The following SYNDIG1 variants were observed in gnomAD, a reference collection of about 807,000 sequenced individuals.
SYNDIG1 encodes synapse differentiation-inducing gene protein 1.
Under a neutral mutation model 19.4 loss-of-function variants are expected in SYNDIG1, and 9 were observed. The ratio of observed to expected loss-of-function variants is 0.46; its 90% confidence interval spans 0.28 to 0.81. The LOEUF is 0.81. Among genes scored for constraint, SYNDIG1 ranks in the 30% least tolerant of loss-of-function variants. SYNDIG1 has a pLI of 0.12. For missense variants in SYNDIG1, 311 were observed against 343.3 expected (o/e 0.91, Z 0.74); for synonymous variants, 141 against 145.9 (o/e 0.97, Z 0.24).
At chr20:24,491,264 A>G (rs1254036370) in intron 1 of SYNDIG1, among the ~76,000 whole-genome samples, 3 of 152,198 alleles carry the variant, frequency 2.0e-5, no homozygotes, top group Non-Finnish European at 4.4e-5. Context: ...AATACTTAAT[A>G]AAACAAAGTA....
rs139532021 is a variant in SYNDIG1 at position 24,663,248 on chromosome 20, C to T, written c.619-2098C>T. ...TTTGCTGTTTCTGACATATCTCCAG[C>T]GATCAGGCCCCTAACACACCACATT... On this transcript the variant is annotated intron_variant, in intron 3 of 3. Coordinates refer to ENST00000376862, the MANE Select transcript of SYNDIG1 (RefSeq NM_024893.3). Among the ~76,000 whole-genome samples the T allele has an allele frequency of 4.3e-3, 660 of 152,316 alleles. 4 individuals carry two copies. The highest frequency in any genetic ancestry group is 0.013 in the South Asian group (61 of 4,826).
chr20:24,566,727 C>T (rs531983515), intron 2 of SYNDIG1, among the ~76,000 whole-genome samples: 12 of 152,246 alleles, frequency 7.9e-5, no homozygotes, highest in African/African-American at 2.6e-4. Context: ...AAGGAGCCAC[C>T]CTGAGTGATG....
chr20:24,503,603 C>T (rs944894970), intron 1 of SYNDIG1, among the ~76,000 whole-genome samples: 1 of 151,920 alleles, frequency 6.6e-6, no homozygotes, highest in Admixed American at 6.6e-5. Context: ...CCCCAGCCCC[C>T]CAGCGCTCCA....
chr20:24,475,831 G>C (rs1205101534), intron 1 of SYNDIG1, among the ~76,000 whole-genome samples: 1 of 152,010 alleles, frequency 6.6e-6, no homozygotes, highest in Non-Finnish European at 1.5e-5. Flanking sequence ...CTCCACAACA[G>C]AGAACTGTGA....
intron 1 of SYNDIG1, among the ~76,000 whole-genome samples, chr20:24,517,592 C>T (rs1452170078): frequency 1.4e-5 from 2 of 142,974 alleles, no homozygotes; most frequent in Non-Finnish European, 3.0e-5. Context: ...GCACTCCAGC[C>T]TGGGTGACAG....
chr20:24,627,150 GGAGAGCGAGAGCGAGAGC>G (rs59038259), intron 3 of SYNDIG1, among the ~76,000 whole-genome samples: 10 of 136,506 alleles, frequency 7.3e-5, no homozygotes, highest in Non-Finnish European at 6.3e-5. Context: ...AGAGGGAGAG[GGAGAGCGAGAGCGAGAGC>G]GAGAGCGAGA....
chr20:24,638,241 C>G (rs2059335677), intron 3 of SYNDIG1, among the ~76,000 whole-genome samples: 1 of 152,220 alleles, frequency 6.6e-6, no homozygotes, highest in South Asian at 2.1e-4. Context: ...AAGATGGATG[C>G]TGCAGGTGCA....
chr20:24,604,310 T>A (rs1428891547), intron 3 of SYNDIG1, among the ~76,000 whole-genome samples: 2 of 152,118 alleles, frequency 1.3e-5, no homozygotes, highest in African/African-American at 4.8e-5. Flanking sequence ...TGGGCTGCAT[T>A]CCCAGGTTAG....
intron 3 of SYNDIG1, 109 bp from the exon 4 acceptor site, chr20:24,665,237 C>G: frequency 3.0e-6 from 4 of 1,351,746 alleles, no homozygotes; most frequent in Non-Finnish European, 4.0e-6. Flanking sequence ...TCAGCCTTCT[C>G]TGCATCAACA....
intron 3 of SYNDIG1, among the ~76,000 whole-genome samples, chr20:24,620,936 T>C (rs1005268504): frequency 6.6e-6 from 1 of 152,202 alleles, no homozygotes; most frequent in Non-Finnish European, 1.5e-5. Context: ...TAAAAGGCAA[T>C]TTGACTGAGA....
At chr20:24,527,840 T>C (rs2057160284) in intron 1 of SYNDIG1, among the ~76,000 whole-genome samples, 4 of 152,182 alleles carry the variant, frequency 2.6e-5, no homozygotes, top group Admixed American at 6.5e-5. Context: ...AGTAAGGAAC[T>C]CTGTAGCCTG....
chr20:24,497,666 C>T (rs968163671), intron 1 of SYNDIG1, among the ~76,000 whole-genome samples: 19 of 152,280 alleles, frequency 1.2e-4, no homozygotes, highest in Admixed American at 5.2e-4. Flanking sequence ...CATTTCTTCA[C>T]GAACCTGGGG....
At chr20:24,526,568 T>G (rs146793448) in intron 1 of SYNDIG1, among the ~76,000 whole-genome samples, 1,683 of 152,130 alleles carry the variant, frequency 0.011, 16 homozygotes, top group East Asian at 0.028. Flanking sequence ...TTTATATATA[T>G]AGAGAGAGAG....
At chr20:24,525,640 GGA>G (rs958349367) in intron 1 of SYNDIG1, among the ~76,000 whole-genome samples, 111 of 152,156 alleles carry the variant, frequency 7.3e-4, no homozygotes, top group African/African-American at 2.6e-3. Flanking sequence ...AGAGAAGAAT[GGA>G]GAGAGAGTGA....
chr20:24,524,526 T>C (rs2057075569), intron 1 of SYNDIG1, among the ~76,000 whole-genome samples: 1 of 151,742 alleles, frequency 6.6e-6, no homozygotes, highest in African/African-American at 2.4e-5. Context: ...GCGCCTGTAG[T>C]CCCAGCTACC....
rs557868608 is a variant in SYNDIG1, at chr20:24,533,917, A to G, written c.-78-9103A>G. 2.0e-5 allele frequency among the ~76,000 whole-genome samples: 3 copies of G among 152,240 alleles called. No individual in the cohort carries two copies. The East Asian group carries it at 5.8e-4, about 29-fold the overall frequency. On this transcript the variant is annotated intron_variant, in intron 1 of 3. Transcript: ENST00000376862. ...ACCTAAGCCTGGATGGTTTATTTTT[A>G]AAGGAAGTTTGTTTGGGCTTACGGT... is the stretch of plus-strand genomic sequence containing the variant.
At position 24,609,313 on chromosome 20, in the gene SYNDIG1, C is replaced by T. The variant is rs192865736; in HGVS notation, c.618+24320C>T. 2.4e-3 allele frequency among the ~76,000 whole-genome samples: 364 copies of T among 152,272 alleles called. 2 individuals carry two copies. Among genetic ancestry groups the T allele is most frequent in the African/African-American group, 8.4e-3 (347 of 41,548 alleles). On this transcript the variant is annotated intron_variant, in intron 3 of 3. Coordinates refer to ENST00000376862, the MANE Select transcript of SYNDIG1 (RefSeq NM_024893.3). ...AAATTACCTTGAGGTTGTGCTTTGA[C>T]GTGGAAGGCGGATGTGGGATGCTCT...
chr20:24,627,873 C>A (rs1461425215), intron 3 of SYNDIG1, among the ~76,000 whole-genome samples: 2 of 152,244 alleles, frequency 1.3e-5, no homozygotes, highest in Non-Finnish European at 2.9e-5. Flanking sequence ...GTTGGAGAAT[C>A]AAGTGCTCAG....
intron 1 of SYNDIG1, among the ~76,000 whole-genome samples, chr20:24,542,294 G>A (rs1055693257): frequency 1.2e-4 from 18 of 152,192 alleles, no homozygotes; most frequent in Admixed American, 2.0e-4. Flanking sequence ...AGGCCAAAAT[G>A]TGCACTGTAC....
Sources: allele counts gnomAD v4.1 joint callset (sites outside exome capture counted in the v4.1 genomes callset), GRCh38; gene constraint gnomAD v4.1.1; transcripts MANE v1.5; gene names NCBI Gene and HGNC (gene_info 2026-07-23, HGNC 2026-07-21).